SMAP1: variants seen among roughly 807,000 people sequenced by gnomAD.
SMAP1 encodes small ArfGAP 1.
SMAP1 carries 24 observed loss-of-function variants against 58.5 expected under a neutral mutation model. That is an observed-to-expected ratio of 0.41 (90% CI 0.30 to 0.58). The LOEUF is 0.58. Ranked by LOEUF, SMAP1 falls within the 20% of genes least tolerant of loss-of-function variation. The pLI, the probability that SMAP1 is intolerant of heterozygous loss-of-function variation, is 0.29. For synonymous variants in SMAP1, 216 were observed against 196.6 expected (o/e 1.10, Z -0.82); for missense variants, 563 against 566.3 (o/e 0.99, Z 0.06).
chr6:70,794,423 A>G (rs571969679), intron 5 of SMAP1, among the ~76,000 whole-genome samples: 47 of 152,222 alleles, frequency 3.1e-4, no homozygotes, highest in African/African-American at 1.0e-3. Flanking sequence ...TGACAGCTAT[A>G]TTTTTATTAT....
chr6:70,855,037 C>A (rs1472647451), intron 8 of SMAP1, among the ~76,000 whole-genome samples: 1 of 99,642 alleles, frequency 1.0e-5, no homozygotes, highest in African/African-American at 3.8e-5. Context: ...GGAGAAACCC[C>A]TTTCCTGTTC....
chr6:70,796,660 T>C (rs958053734), intron 5 of SMAP1, among the ~76,000 whole-genome samples: 2 of 152,290 alleles, frequency 1.3e-5, no homozygotes, highest in Admixed American at 6.5e-5. Flanking sequence ...TGAGTAGATA[T>C]GAAGATCTTT....
chr6:70,741,443 C>T (rs150272173), intron 2 of SMAP1, among the ~76,000 whole-genome samples: 7 of 152,344 alleles, frequency 4.6e-5, no homozygotes, highest in African/African-American at 1.7e-4. Flanking sequence ...TCCTTTGACT[C>T]TGTGTCTCAC....
chr6:70,689,563 G>C (rs1767072133), intron 1 of SMAP1, among the ~76,000 whole-genome samples: 1 of 151,988 alleles, frequency 6.6e-6, no homozygotes, highest in Non-Finnish European at 1.5e-5. Flanking sequence ...TAGGTTTCTT[G>C]AATTTTCATA....
chr6:70,819,335 A>G (rs1237841131), intron 6 of SMAP1, among the ~76,000 whole-genome samples: 2 of 152,106 alleles, frequency 1.3e-5, no homozygotes, highest in African/African-American at 4.8e-5. Flanking sequence ...GGTGAAAAAA[A>G]AAAAAGGAAC....
chr6:70,758,520 TAAA>T (rs1240642012), intron 3 of SMAP1, among the ~76,000 whole-genome samples: 2 of 151,692 alleles, frequency 1.3e-5, no homozygotes, highest in African/African-American at 4.8e-5. Context: ...TAAAGTATAA[TAAA>T]AATAAATAAA....
intron 1 of SMAP1, among the ~76,000 whole-genome samples, chr6:70,676,958 AT>A (rs1366554844): frequency 6.6e-6 from 1 of 151,548 alleles, no homozygotes; most frequent in African/African-American, 2.4e-5. Context: ...TTTAAAAAAA[AT>A]TTTTTTGTTG....
intron 7 of SMAP1, among the ~76,000 whole-genome samples, chr6:70,848,211 A>G (rs1771061569): frequency 6.6e-6 from 1 of 152,148 alleles, no homozygotes; most frequent in East Asian, 1.9e-4. Context: ...TATATCCCAC[A>G]GTTGCTTCCA....
At chr6:70,760,437 T>G (rs149677752) in intron 3 of SMAP1, among the ~76,000 whole-genome samples, 1 of 152,128 alleles carries the variant, frequency 6.6e-6, no homozygotes, top group African/African-American at 2.4e-5. Flanking sequence ...GTTAAGAGTA[T>G]AAGATGACAA....
intron 1 of SMAP1, among the ~76,000 whole-genome samples, chr6:70,724,833 A>T (rs567131772): frequency 6.6e-6 from 1 of 152,074 alleles, no homozygotes. Flanking sequence ...TATTTTAAAG[A>T]ACTTTTTTCT....
chr6:70,812,078 G>T (rs1009772096), intron 6 of SMAP1, among the ~76,000 whole-genome samples: 1 of 152,086 alleles, frequency 6.6e-6, no homozygotes, highest in Non-Finnish European at 1.5e-5. Context: ...GCTTATTTTT[G>T]GAATTTCCCA....
chr6:70,818,703 T>A (rs190879384), intron 6 of SMAP1, among the ~76,000 whole-genome samples: 1 of 152,320 alleles, frequency 6.6e-6, no homozygotes, highest in East Asian at 1.9e-4. Flanking sequence ...AGACTGTCCC[T>A]GTAGAGTGTT....
chr6:70,705,013 T>C (rs1012711377), intron 1 of SMAP1, among the ~76,000 whole-genome samples: 1 of 152,198 alleles, frequency 6.6e-6, no homozygotes, highest in African/African-American at 2.4e-5. Context: ...GATGGCAGAC[T>C]CTCATCTGTT....
intron 4 of SMAP1, among the ~76,000 whole-genome samples, chr6:70,786,992 G>C (rs1048156062): frequency 1.1e-4 from 16 of 152,080 alleles, no homozygotes; most frequent in African/African-American, 3.6e-4. Context: ...GCATCGCCAA[G>C]TCAGTCCTAA....
chr6:70,776,244 G>A (rs898251267), intron 4 of SMAP1, among the ~76,000 whole-genome samples: 23 of 151,932 alleles, frequency 1.5e-4, no homozygotes, highest in African/African-American at 4.8e-4. Flanking sequence ...GTGCAGTGGC[G>A]CAATCTTGGC....
At chr6:70,749,476 A>G (rs1384719952) in intron 2 of SMAP1, among the ~76,000 whole-genome samples, 1 of 152,164 alleles carries the variant, frequency 6.6e-6, no homozygotes, top group Non-Finnish European at 1.5e-5. Context: ...GATATTTAAG[A>G]TTTGACTATT....
At chr6:70,732,748 T>C (rs919776722) in intron 2 of SMAP1, among the ~76,000 whole-genome samples, 2 of 152,232 alleles carry the variant, frequency 1.3e-5, no homozygotes, top group Non-Finnish European at 2.9e-5. Context: ...TTAAAGTGTT[T>C]TTAAAGTATC....
chr6:70,802,066 C>T (rs1768881217), intron 6 of SMAP1, among the ~76,000 whole-genome samples: 1 of 152,190 alleles, frequency 6.6e-6, no homozygotes, highest in Non-Finnish European at 1.5e-5. Flanking sequence ...TCATTGGTAG[C>T]TTGATGAAGA....
rs1768717917 is a variant in SMAP1, at chr6:70,798,723, C to T, written c.562C>T (p.Leu188Phe). The T allele has an allele frequency of 1.3e-6, 2 of 1,558,892 alleles. No individual in the cohort carries two copies. Among genetic ancestry groups the T allele is most frequent in the Admixed American group, 1.9e-5 (1 of 53,280 alleles). ...EKEPEKPAKP[L>F]TAEKLQKKDQ... ...GGAGCCAGAAAAGCCGGCAAAACCACTTACAGCTGAAAAGGTAAAATTCTT... is the reference window on the plus strand; with the variant it reads ...GGAGCCAGAAAAGCCGGCAAAACCATTTACAGCTGAAAAGGTAAAATTCTT... Residue 188 changes from leucine (L) to phenylalanine (F), a missense_variant, in exon 6 of 11, where the codon CTT becomes TTT. Physicochemically the swap from Leu to Phe is conservative, Grantham distance 22. Transcript: ENST00000370455.
Sources: gnomAD v4.1 joint callset for allele counts (sites outside exome capture counted in the v4.1 genomes callset) on GRCh38, gnomAD v4.1.1 for gene constraint, MANE v1.5 for transcripts, NCBI Gene and HGNC (gene_info 2026-07-23, HGNC 2026-07-21) for gene names.